Variants in HERC6 observed in about 807,000 individuals in gnomAD.
HERC6 encodes HECT and RLD domain containing E3 ubiquitin protein ligase family member 6.
Under a neutral mutation model 114.5 loss-of-function variants are expected in HERC6, and 101 were observed. The observed-to-expected ratio is 0.88, with a 90% CI of 0.75 to 1.04. HERC6 has a LOEUF of 1.04. Ranked by LOEUF, HERC6 falls within the 50% of genes least tolerant of loss-of-function variation. The pLI is 0.00. For synonymous variants in HERC6, 408 were observed against 436.2 expected, an observed-to-expected ratio of 0.94 and a Z score of 0.81; for missense variants, 1,133 against 1,230.9, an observed-to-expected ratio of 0.92 and a Z score of 1.19.
chr4:88,426,372 T>C (rs1371507811), intron 15 of HERC6, among the ~76,000 whole-genome samples: 1 of 152,098 alleles, frequency 6.6e-6, no homozygotes, highest in Admixed American at 6.5e-5. Context: ...TTCTCCATGT[T>C]GGTCAGGCTG....
At chr4:88,402,095 G>A (rs1019828337) in intron 8 of HERC6, among the ~76,000 whole-genome samples, 9 of 152,192 alleles carry the variant, frequency 5.9e-5, no homozygotes, top group Non-Finnish European at 1.0e-4. Flanking sequence ...ACAAACAACA[G>A]GGCTAATTGA....
intron 9 of HERC6, 64 bp from the exon 10 acceptor site, chr4:88,405,490 T>A: frequency 2.4e-6 from 2 of 818,156 alleles, no homozygotes; most frequent in Non-Finnish European, 1.9e-6. Flanking sequence ...TCAGACATAA[T>A]AAGATTTTCA....
At chr4:88,421,516 C>T (rs1011198842) in intron 13 of HERC6, among the ~76,000 whole-genome samples, 9 of 149,906 alleles carry the variant, frequency 6.0e-5, no homozygotes, top group Middle Eastern at 3.4e-3. Context: ...GGCAGGATCT[C>T]GGCTCACTGC....
rs1200489891 is a variant in HERC6, at chr4:88,401,397, GCAGAGA to G, written c.1092+3189_1092+3194del. On this transcript the variant is annotated intron_variant, in intron 8 of 22. Transcript: ENST00000264346. ...AATCCCAGCTACTCGGGAGGCTGAG[GCAGAGA>G]ATTGCTTGAACCTGGGAGGCGAAGG... Among the ~76,000 whole-genome samples the G allele has an allele frequency of 8.6e-5, 13 of 151,508 alleles. No individual in the cohort carries two copies. In the South Asian group the frequency reaches 1.9e-3, roughly 22 times the overall value.
chr4:88,442,208 C>A (rs1347222533), intron 22 of HERC6, 26 bp from the exon 23 acceptor site: 2 of 1,524,350 alleles, frequency 1.3e-6, no homozygotes, highest in African/African-American at 2.7e-5. Context: ...TATGAAATAT[C>A]TTAACCAAAT....
chr4:88,387,849 T>C (rs184518220), intron 3 of HERC6, among the ~76,000 whole-genome samples: 25 of 152,322 alleles, frequency 1.6e-4, no homozygotes, highest in African/African-American at 5.8e-4. Context: ...ATTATGGACA[T>C]GGTGTGAATT....
intron 3 of HERC6, among the ~76,000 whole-genome samples, chr4:88,388,709 A>G (rs1401608043): frequency 6.7e-6 from 1 of 150,196 alleles, no homozygotes; most frequent in East Asian, 2.0e-4. Context: ...TGTGTAGATG[A>G]AGGCTTACAG....
intron 19 of HERC6, 110 bp downstream of exon 19, chr4:88,437,081 G>C: frequency 2.9e-6 from 2 of 699,182 alleles, no homozygotes; most frequent in Non-Finnish European, 4.5e-6. Context: ...TATTGAGGCA[G>C]AGTCTCACTC....
Position 88,408,611 on chromosome 4 carries a change from T to C in HERC6, c.1362T>C (p.Ser454=), listed in dbSNP as rs1735926026. Residue 454 remains serine (S), a synonymous_variant, in exon 11 of 23, where the codon TCT becomes TCC. Coordinates refer to ENST00000264346, the MANE Select transcript of HERC6 (RefSeq NM_017912.4). The stretch of plus-strand genomic sequence containing the variant: ...AGTTAACAAAAAAGGAATGGATTTC[T>C]TCCATGGTAATAGCCAATACTTACT... ...FKKLTKKEWI[S]SMITTCLEDD... 6.4e-7 allele frequency: 1 copy of C among 1,566,236 alleles called. No homozygotes were observed. Among genetic ancestry groups the C allele is most frequent in the Non-Finnish European group, 8.7e-7 (1 of 1,149,214 alleles).
chr4:88,434,758 A>G (rs1407543786), intron 17 of HERC6, among the ~76,000 whole-genome samples: 1 of 147,382 alleles, frequency 6.8e-6, no homozygotes, highest in Non-Finnish European at 1.5e-5. Flanking sequence ...TGGATAAAAA[A>G]CAGAGACAAA....
intron 20 of HERC6, among the ~76,000 whole-genome samples, chr4:88,438,213 TAAAAG>T (rs1444300715): frequency 1.3e-5 from 2 of 151,762 alleles, no homozygotes; most frequent in African/African-American, 4.8e-5. Flanking sequence ...GCTTTTAAGA[TAAAAG>T]AAAAGGAGAA....
chr4:88,382,159 G>T (rs773824850), intron 1 of HERC6, among the ~76,000 whole-genome samples: 2 of 152,084 alleles, frequency 1.3e-5, no homozygotes, highest in Non-Finnish European at 2.9e-5. Flanking sequence ...AGTTGAAAAA[G>T]ATAAGATTAC....
At chr4:88,387,010 T>G (rs763597874) in intron 3 of HERC6, among the ~76,000 whole-genome samples, 2 of 152,240 alleles carry the variant, frequency 1.3e-5, no homozygotes, top group African/African-American at 2.4e-5. Flanking sequence ...TGTGCCATGG[T>G]CTATGGACAG....
At chr4:88,434,604 A>C (rs957655465) in intron 17 of HERC6, among the ~76,000 whole-genome samples, 14 of 152,160 alleles carry the variant, frequency 9.2e-5, no homozygotes, top group Non-Finnish European at 1.9e-4. Flanking sequence ...TACCAACCTT[A>C]TGAGGTACAG....
intron 18 of HERC6, 32 bp from the exon 19 acceptor site, chr4:88,436,873 A>C (rs964479555): frequency 4.4e-5 from 66 of 1,486,670 alleles, no homozygotes; most frequent in Non-Finnish European, 6.0e-5. Flanking sequence ...AAGATCAATA[A>C]ATATAATTTT....
rs1307988305 is a variant in HERC6 at position 88,378,968 on chromosome 4, G to A, written c.47G>A (p.Arg16Lys). ...GACTCCAGGGAGCTGCAGCGCCGGA[G>A]GACGGCGGGCAGCCCCGGGGCTGAG... ...GADSRELQRR[R>K]TAGSPGAELL... is the part of the protein sequence containing the mutation. Residue 16 changes from arginine (R) to lysine (K), a missense_variant, in exon 1 of 23, where the codon AGG becomes AAG. Physicochemically the swap from Arg to Lys is conservative, Grantham distance 26. Transcript: ENST00000264346. 1 of 1,590,646 alleles carries A rather than the reference G, an allele frequency of 6.3e-7. No individual in the cohort carries two copies. Among genetic ancestry groups the A allele is most frequent in the Non-Finnish European group, 8.5e-7 (1 of 1,169,976 alleles).
chr4:88,435,702 G>C, intron 17 of HERC6, 23 bp from the exon 18 acceptor site: 1 of 1,418,858 alleles, frequency 7.0e-7, no homozygotes, highest in Non-Finnish European at 9.3e-7. Context: ...TAATACCTTA[G>C]GGATTTTTTT....
chr4:88,402,544 A>C (rs1425499421), intron 8 of HERC6, among the ~76,000 whole-genome samples: 1 of 152,186 alleles, frequency 6.6e-6, no homozygotes. Context: ...AGAGGAAAAT[A>C]GTGGAGATGA....
At chr4:88,383,653 C>T (rs1206469582) in intron 2 of HERC6, among the ~76,000 whole-genome samples, 1 of 150,616 alleles carries the variant, frequency 6.6e-6, no homozygotes, top group African/African-American at 2.4e-5. Context: ...ATCCCAACTA[C>T]TCAGGAGGCT....
Sources: allele counts gnomAD v4.1 joint callset (sites outside exome capture counted in the v4.1 genomes callset), GRCh38; gene constraint gnomAD v4.1.1; transcripts MANE v1.5; gene names NCBI Gene and HGNC (gene_info 2026-07-23, HGNC 2026-07-21).